Variants in SHANK2 observed in about 807,000 individuals in gnomAD.
SHANK2 encodes SH3 and multiple ankyrin repeat domains 2.
A neutral mutation model predicts 133.7 loss-of-function variants in SHANK2; 43 were observed. The observed-to-expected ratio is 0.32, with a 90% CI of 0.25 to 0.41. The LOEUF (loss-of-function observed/expected upper bound fraction) is 0.41. SHANK2 is among the 10% of genes least tolerant of loss of function. SHANK2 has a pLI of 1.00. For synonymous variants in SHANK2, 1,017 were observed against 952.8 expected (o/e 1.07, Z -1.24); for missense variants, 1,994 against 2,235.8 (o/e 0.89, Z 2.18).
At chr11:70,906,146 A>C (rs1350053890) in intron 10 of SHANK2, among the ~76,000 whole-genome samples, 1 of 152,194 alleles carries the variant, frequency 6.6e-6, no homozygotes, top group Non-Finnish European at 1.5e-5. Flanking sequence ...GAACAGACAA[A>C]GACAGCGCCC....
chr11:70,529,701 T>A (rs1250711830), intron 17 of SHANK2, among the ~76,000 whole-genome samples: 1 of 151,944 alleles, frequency 6.6e-6, no homozygotes, highest in Non-Finnish European at 1.5e-5. Context: ...GTCACTCCCC[T>A]CCCCCTCCCA....
Position 71,126,216 on chromosome 11 carries a change from CAAAAAAAAAAA to C in SHANK2, c.208-7195_208-7185del, listed in dbSNP as rs1170621448. 6.2e-5 allele frequency among the ~76,000 whole-genome samples: 4 copies of C among 64,418 alleles called. 1 individual carries two copies. Among genetic ancestry groups the C allele is most frequent in the South Asian group, 2.0e-3 (2 of 978 alleles). The allele number at this position is 64,418 out of a possible 152,430, so 42.3% of individuals were successfully genotyped here. ...CTGGTGACAGAGTGAGACTCCGTCTCAAAAAAAAAAAAAAAAAAAAAAAAGAATTATACTAA... is the reference window on the plus strand; with the variant it reads ...CTGGTGACAGAGTGAGACTCCGTCTCAAAAAAAAAAAAAGAATTATACTAA... On this transcript the variant is annotated intron_variant, in intron 3 of 25. Coordinates refer to ENST00000601538, the MANE Select transcript of SHANK2 (RefSeq NM_012309.5).
chr11:70,928,279 G>A (rs1950456545), intron 10 of SHANK2, among the ~76,000 whole-genome samples: 1 of 152,132 alleles, frequency 6.6e-6, no homozygotes, highest in African/African-American at 2.4e-5. Flanking sequence ...TGTCTAGAAG[G>A]GAAAGAAAGG....
chr11:71,133,886 A>G (rs1555104232), intron 3 of SHANK2, among the ~76,000 whole-genome samples: 1 of 151,880 alleles, frequency 6.6e-6, no homozygotes, highest in Non-Finnish European at 1.5e-5. Context: ...CTGGAACAAA[A>G]CATCTGAAAC....
intron 14 of SHANK2, among the ~76,000 whole-genome samples, chr11:70,725,734 C>T (rs937873114): frequency 1.1e-4 from 10 of 94,672 alleles, no homozygotes; most frequent in African/African-American, 6.0e-4. Flanking sequence ...AGCACATTGT[C>T]GGTAACTCTA....
At chr11:70,731,761 C>G (rs1397852212) in intron 14 of SHANK2, among the ~76,000 whole-genome samples, 1 of 152,172 alleles carries the variant, frequency 6.6e-6, no homozygotes, top group East Asian at 1.9e-4. Context: ...TTCTCTGGGG[C>G]TCTCTTCTTT....
At chr11:70,482,521 C>T (rs782403287) in intron 25 of SHANK2, among the ~76,000 whole-genome samples, 21 of 152,202 alleles carry the variant, frequency 1.4e-4, no homozygotes, top group Non-Finnish European at 2.2e-4. Flanking sequence ...GGTCTAGTTC[C>T]GCGTCTTCCT....
At chr11:70,790,788 A>G (rs973141305) in intron 14 of SHANK2, among the ~76,000 whole-genome samples, 1 of 152,216 alleles carries the variant, frequency 6.6e-6, no homozygotes, top group East Asian at 1.9e-4. Context: ...CTGGCCCGGG[A>G]CCACAGGTCC....
intron 11 of SHANK2, among the ~76,000 whole-genome samples, chr11:70,827,425 C>A (rs1359943518): frequency 4.6e-4 from 2 of 4,352 alleles, no homozygotes; most frequent in African/African-American, 5.0e-4. Context: ...AAGAGGAAAG[C>A]TGCCCCTTGG....
At chr11:70,837,084 G>A (rs918270898) in intron 11 of SHANK2, among the ~76,000 whole-genome samples, 2 of 152,196 alleles carry the variant, frequency 1.3e-5, no homozygotes, top group Non-Finnish European at 2.9e-5. Flanking sequence ...ATCAAGGCTG[G>A]CACCTTGATC....
At chr11:70,514,122 G>A (rs2059238035) in intron 17 of SHANK2, among the ~76,000 whole-genome samples, 1 of 152,160 alleles carries the variant, frequency 6.6e-6, no homozygotes, top group Admixed American at 6.5e-5. Context: ...TCTTAAAGCA[G>A]CCAGAGAAAT....
intron 14 of SHANK2, among the ~76,000 whole-genome samples, chr11:70,736,118 A>G (rs1946399063): frequency 6.6e-6 from 1 of 151,398 alleles, no homozygotes; most frequent in African/African-American, 2.4e-5. Flanking sequence ...AGCCAAGCCC[A>G]GTGGCAGAGG....
intron 2 of SHANK2, among the ~76,000 whole-genome samples, chr11:71,211,720 C>T (rs2135691601): frequency 6.6e-6 from 1 of 151,820 alleles, no homozygotes; most frequent in Admixed American, 6.5e-5. Context: ...CTCAGTCTCT[C>T]CCCAACCACT....
At chr11:70,607,767 C>A (rs1554992926) in intron 17 of SHANK2, among the ~76,000 whole-genome samples, 1 of 152,244 alleles carries the variant, frequency 6.6e-6, no homozygotes, top group Non-Finnish European at 1.5e-5. Flanking sequence ...TGTGTTGAAG[C>A]AGCAGCACCG....
At chr11:70,760,825 T>C (rs537799671) in intron 14 of SHANK2, among the ~76,000 whole-genome samples, 1 of 152,158 alleles carries the variant, frequency 6.6e-6, no homozygotes, top group South Asian at 2.1e-4. Context: ...TGGAGGGTGG[T>C]AGTCAGTGTA....
chr11:70,476,712 G>A (rs1446505292), intron 25 of SHANK2, among the ~76,000 whole-genome samples: 1 of 152,208 alleles, frequency 6.6e-6, no homozygotes, highest in Non-Finnish European at 1.5e-5. Flanking sequence ...GAGGACTAGA[G>A]GAGGAGGGGT....
chr11:70,542,505 G>A lies in SHANK2; in HGVS notation c.2062-39574C>T, dbSNP rs374237397. Among the ~76,000 whole-genome samples the A allele has an allele frequency of 2.8e-4, 42 of 152,334 alleles. No homozygotes were observed. In the South Asian group the frequency reaches 8.5e-3, roughly 31 times the overall value. ...GCCTCCGAACTGTGAGAAAATCCATGTGTGTCGTTTGCAGCACAGCCCCTG... is the reference window on the plus strand; with the variant it reads ...GCCTCCGAACTGTGAGAAAATCCATATGTGTCGTTTGCAGCACAGCCCCTG... On this transcript the variant is annotated intron_variant, in intron 17 of 25. Coordinates refer to ENST00000601538, the MANE Select transcript of SHANK2 (RefSeq NM_012309.5).
intron 17 of SHANK2, among the ~76,000 whole-genome samples, chr11:70,541,799 C>T (rs931700487): frequency 5.3e-5 from 8 of 152,232 alleles, no homozygotes; most frequent in Non-Finnish European, 1.2e-4. Context: ...ACAGGACAGT[C>T]CCCCACAACA....
intron 17 of SHANK2, among the ~76,000 whole-genome samples, chr11:70,573,367 G>A (rs1554983518): frequency 6.7e-6 from 1 of 149,244 alleles, no homozygotes; most frequent in Non-Finnish European, 1.5e-5. Context: ...GGATGGACTT[G>A]TCACCTTGAC....
Sources: allele counts gnomAD v4.1 joint callset (sites outside exome capture counted in the v4.1 genomes callset), GRCh38; gene constraint gnomAD v4.1.1; transcripts MANE v1.5; gene names NCBI Gene and HGNC (gene_info 2026-07-23, HGNC 2026-07-21).